Variants in TUSC3 observed in about 807,000 individuals in gnomAD.
The protein encoded by TUSC3 is tumor suppressor candidate 3.
A neutral mutation model predicts 44.8 loss-of-function variants in TUSC3; 45 were observed. The ratio of observed to expected loss-of-function variants is 1.00; its 90% CI spans 0.79 to 1.29. TUSC3 has a LOEUF of 1.29. TUSC3 is among the 50% of genes most tolerant of loss of function. TUSC3 has a pLI of 0.00. For synonymous variants in TUSC3, 212 were observed against 152.9 expected, an observed-to-expected ratio of 1.39 and a Z score of -2.85; for missense variants, 519 against 437.9, an observed-to-expected ratio of 1.19 and a Z score of -1.65.
At chr8:15,734,587 C>G (rs1810856906) in intron 7 of TUSC3, among the ~76,000 whole-genome samples, 1 of 152,008 alleles carries the variant, frequency 6.6e-6, no homozygotes, top group Non-Finnish European at 1.5e-5. Context: ...CCATCTAATG[C>G]AAATGTGAAT....
At chr8:15,442,606 C>G (rs770709175) in intron 1 of TUSC3, among the ~76,000 whole-genome samples, 15 of 152,104 alleles carry the variant, frequency 9.9e-5, no homozygotes, top group Non-Finnish European at 1.5e-4. Context: ...ATGCCTTACT[C>G]CTGATGTTTC....
chr8:15,758,506 G>C (rs1812029451), intron 10 of TUSC3, among the ~76,000 whole-genome samples: 1 of 151,834 alleles, frequency 6.6e-6, no homozygotes, highest in Admixed American at 6.6e-5. Context: ...CAAGACCAGA[G>C]AACACAGGGT....
At chr8:15,628,724 A>T (rs1247875085) in intron 2 of TUSC3, among the ~76,000 whole-genome samples, 16 of 152,206 alleles carry the variant, frequency 1.1e-4, no homozygotes, top group Admixed American at 1.0e-3. Flanking sequence ...GCATTGAGAT[A>T]CCGTTTTTGA....
chr8:15,576,284 TTTTTTTTATTTTTTTA>T (rs772245819), intron 1 of TUSC3, among the ~76,000 whole-genome samples: 3 of 141,666 alleles, frequency 2.1e-5, no homozygotes, highest in Non-Finnish European at 3.1e-5. Context: ...CTCTTGTTTT[TTTTTTTTATTTTTTTA>T]TTTTTTTATT....
chr8:15,598,035 T>G (rs899710528), intron 1 of TUSC3, among the ~76,000 whole-genome samples: 1 of 152,050 alleles, frequency 6.6e-6, no homozygotes, highest in Non-Finnish European at 1.5e-5. Context: ...ATTTGTTGTT[T>G]CTAGATTCAA....
At chr8:15,804,112 C>T in the TUSC3 span, among the ~76,000 whole-genome samples, 1 of 152,236 alleles carries the variant, frequency 6.6e-6, no homozygotes, top group East Asian at 1.9e-4. Context: ...CTAGATCCTT[C>T]AGGAATCACC....
chr8:15,433,144 T>G (rs926347905), intron 1 of TUSC3, among the ~76,000 whole-genome samples: 2 of 152,110 alleles, frequency 1.3e-5, no homozygotes, highest in African/African-American at 4.8e-5. Context: ...TGTTTCAGAT[T>G]TTTATTATAA....
At chr8:15,454,909 A>C (rs1285964574) in intron 1 of TUSC3, among the ~76,000 whole-genome samples, 1 of 152,142 alleles carries the variant, frequency 6.6e-6, no homozygotes. Context: ...ATATCAGTTT[A>C]AAATTTTATA....
intron 1 of TUSC3, among the ~76,000 whole-genome samples, chr8:15,419,488 A>G (rs145877241): frequency 4.1e-4 from 63 of 152,342 alleles, no homozygotes; most frequent in African/African-American, 1.4e-3. Context: ...TTTAGCAAAC[A>G]TTTGTGGAAC....
At chr8:15,839,378 AG>A in the TUSC3 span, among the ~76,000 whole-genome samples, 4 of 152,174 alleles carry the variant, frequency 2.6e-5, no homozygotes, top group African/African-American at 9.7e-5. Context: ...TGCCCTGGCC[AG>A]AACTCCAACA....
intron 4 of TUSC3, among the ~76,000 whole-genome samples, chr8:15,661,467 G>T (rs1317204111): frequency 6.6e-6 from 1 of 151,948 alleles, no homozygotes; most frequent in Non-Finnish European, 1.5e-5. Flanking sequence ...CTTTGTTCAT[G>T]ATTGACTTCT....
chr8:15,801,773 C>T, the TUSC3 span, among the ~76,000 whole-genome samples: 1 of 152,072 alleles, frequency 6.6e-6, no homozygotes, highest in Non-Finnish European at 1.5e-5. Context: ...CCTCCTGATA[C>T]CATGGGATGA....
intron 6 of TUSC3, among the ~76,000 whole-genome samples, chr8:15,713,718 G>A (rs997270597): frequency 6.6e-6 from 1 of 151,914 alleles, no homozygotes; most frequent in Admixed American, 6.6e-5. Context: ...TTTTTATAAA[G>A]ATGCCAATTA....
At chr8:15,843,405 T>A in the TUSC3 span, among the ~76,000 whole-genome samples, 2 of 152,168 alleles carry the variant, frequency 1.3e-5, no homozygotes, top group South Asian at 4.1e-4. Flanking sequence ...CTGCAGAATG[T>A]TATTTAACTC....
At chr8:15,735,884 T>A (rs1345728254) in intron 7 of TUSC3, among the ~76,000 whole-genome samples, 5 of 37,014 alleles carry the variant, frequency 1.4e-4, no homozygotes, top group African/African-American at 4.1e-4. Context: ...TTTTTTTTTG[T>A]TTTTTTGGTT....
intron 2 of TUSC3, among the ~76,000 whole-genome samples, chr8:15,629,553 G>GTTTT (rs71211066): frequency 7.7e-6 from 1 of 129,042 alleles, no homozygotes; most frequent in Non-Finnish European, 1.6e-5. Context: ...CGGCCATCTT[G>GTTTT]TTTTTTTTTT....
intron 2 of TUSC3, among the ~76,000 whole-genome samples, chr8:15,649,434 A>G (rs926575554): frequency 6.6e-6 from 1 of 151,720 alleles, no homozygotes; most frequent in African/African-American, 2.4e-5. Flanking sequence ...AATAGAAAAA[A>G]TTAGCCGGGC....
chr8:15,609,794 G>A (rs928429489), intron 1 of TUSC3, among the ~76,000 whole-genome samples: 1 of 151,032 alleles, frequency 6.6e-6, no homozygotes, highest in African/African-American at 2.4e-5. Context: ...AAATAAAACA[G>A]AGTAACTCCC....
chr8:15,650,980 CTT>C, intron 3 of TUSC3, 166 bp downstream of exon 3: 1 of 578,668 alleles, frequency 1.7e-6, no homozygotes, highest in Non-Finnish European at 3.1e-6. Context: ...CAGAGCAAGA[CTT>C]TTACACACAC....
Sources: gnomAD v4.1 joint callset for allele counts (sites outside exome capture counted in the v4.1 genomes callset) on GRCh38, gnomAD v4.1.1 for gene constraint, MANE v1.5 for transcripts, NCBI Gene and HGNC (gene_info 2026-07-23, HGNC 2026-07-21) for gene names.